The following WHRN variants were observed in gnomAD, a reference collection of about 807,000 sequenced individuals.
WHRN encodes whirlin, also known as CASK-interacting protein CIP98.
A neutral mutation model predicts 68.3 loss-of-function variants in WHRN; 41 were observed. That is an observed-to-expected ratio of 0.60 (90% confidence interval 0.47 to 0.78). The LOEUF (loss-of-function observed/expected upper bound fraction) is 0.78, where lower values mean the gene tolerates loss of function less well. Among genes scored for constraint, WHRN ranks in the 30% least tolerant of loss-of-function variants. The pLI is 0.00. For synonymous variants in WHRN, 560 were observed against 561.3 expected, an observed-to-expected ratio of 1.00 and a Z score of 0.03; for missense variants, 1,243 against 1,244.7, an observed-to-expected ratio of 1.00 and a Z score of 0.02.
intron 2 of WHRN, among the ~76,000 whole-genome samples, chr9:114,470,331 T>C (rs1198161771): frequency 2.0e-5 from 3 of 152,032 alleles, no homozygotes; most frequent in Non-Finnish European, 4.4e-5. Flanking sequence ...AGCAACAGCA[T>C]GTGCTAAGCC....
intron 7 of WHRN, among the ~76,000 whole-genome samples, chr9:114,410,694 A>C (rs1160271974): frequency 6.6e-6 from 1 of 152,256 alleles, no homozygotes; most frequent in Non-Finnish European, 1.5e-5. Context: ...ATAGTCAGGC[A>C]GGGGCAACTG....
intron 2 of WHRN, among the ~76,000 whole-genome samples, chr9:114,476,518 C>T (rs1195741250): frequency 6.6e-6 from 1 of 152,124 alleles, no homozygotes; most frequent in Non-Finnish European, 1.5e-5. Context: ...CAGCCCGTAC[C>T]TCCCTGGCAC....
chr9:114,471,437 C>T (rs753108077), intron 2 of WHRN, among the ~76,000 whole-genome samples: 41 of 152,272 alleles, frequency 2.7e-4, no homozygotes, highest in Non-Finnish European at 2.5e-4. Flanking sequence ...GCCTGCAGTG[C>T]CTGGGCATTT....
chr9:114,463,358 C>T lies in WHRN; in HGVS notation c.963+2909G>A, dbSNP rs189398526. 8.3e-4 allele frequency among the ~76,000 whole-genome samples: 126 copies of T among 152,206 alleles called. 1 individual carries two copies. The highest frequency in any genetic ancestry group is 3.2e-3 in the Middle Eastern group (1 of 316). The stretch of plus-strand genomic sequence containing the variant: ...TTCCTCTGCCCCCATTTTCCTTCTC[C>T]CCAGTCTCCTCCACCTATTCAAAAT... On this transcript the variant is annotated intron_variant, in intron 3 of 11. Transcript: ENST00000362057.
At chr9:114,503,504 G>C (rs1844116805) in intron 1 of WHRN, 1 of 152,454 alleles carries the variant, frequency 6.6e-6, no homozygotes, top group Non-Finnish European at 1.5e-5. Flanking sequence ...CTGTTGTCAT[G>C]AGGTTATATT....
intron 3 of WHRN, among the ~76,000 whole-genome samples, chr9:114,462,417 T>C (rs1388289889): frequency 6.6e-6 from 1 of 152,136 alleles, no homozygotes; most frequent in East Asian, 1.9e-4. Context: ...CTAGCCCAAG[T>C]GTCCAAGCAG....
chr9:114,464,848 TGA>T, intron 3 of WHRN, among the ~76,000 whole-genome samples: 1 of 129,216 alleles, frequency 7.7e-6, no homozygotes, highest in Non-Finnish European at 1.5e-5. Flanking sequence ...ATGATGATGA[TGA>T]TGATGATGAT....
intron 1 of WHRN, among the ~76,000 whole-genome samples, chr9:114,496,494 C>A (rs776511840): frequency 3.3e-5 from 5 of 152,156 alleles, no homozygotes; most frequent in Non-Finnish European, 7.3e-5. Context: ...GCCCTGAGTC[C>A]AGTATTTTCT....
chr9:114,437,507 T>C (rs1377380795), intron 3 of WHRN, among the ~76,000 whole-genome samples: 1 of 152,186 alleles, frequency 6.6e-6, no homozygotes, highest in Non-Finnish European at 1.5e-5. Flanking sequence ...CCCAAATTCC[T>C]ACCCTAACCC....
At chr9:114,479,603 A>C (rs1841941443) in intron 1 of WHRN, among the ~76,000 whole-genome samples, 1 of 152,236 alleles carries the variant, frequency 6.6e-6, no homozygotes, top group South Asian at 2.1e-4. Flanking sequence ...CTTAACATTT[A>C]TAAAGGGCTT....
intron 1 of WHRN, among the ~76,000 whole-genome samples, chr9:114,500,577 TG>T (rs1390312248): frequency 6.6e-6 from 1 of 152,154 alleles, no homozygotes; most frequent in Non-Finnish European, 1.5e-5. Context: ...AATCCACCCA[TG>T]GGGGTGCTGA....
chr9:114,489,504 G>GCA (rs35387189), intron 1 of WHRN, among the ~76,000 whole-genome samples: 140,645 of 150,366 alleles, frequency 0.94, 66,146 homozygotes, highest in East Asian at 1. Context: ...ACACACACAC[G>GCA]CACACACGCG....
chr9:114,407,924 C>A (rs1220907419), intron 8 of WHRN, 23 bp downstream of exon 8: 2 of 1,586,932 alleles, frequency 1.3e-6, no homozygotes, highest in Non-Finnish European at 1.7e-6. Context: ...AGAGCAGAAC[C>A]AAAGGGCCAG....
intron 3 of WHRN, among the ~76,000 whole-genome samples, chr9:114,429,338 T>C (rs1381786917): frequency 6.6e-6 from 1 of 152,210 alleles, no homozygotes; most frequent in African/African-American, 2.4e-5. Context: ...CTATGGCTAA[T>C]GGTTTCAAAG....
chr9:114,460,751 C>G (rs1840178681), intron 3 of WHRN, among the ~76,000 whole-genome samples: 1 of 152,210 alleles, frequency 6.6e-6, no homozygotes, highest in South Asian at 2.1e-4. Flanking sequence ...CCTTCAGGAG[C>G]TAAGTGGGCT....
intron 9 of WHRN, among the ~76,000 whole-genome samples, chr9:114,404,743 G>A (rs1219904726): frequency 6.6e-6 from 1 of 152,216 alleles, no homozygotes; most frequent in Non-Finnish European, 1.5e-5. Context: ...AGCCTCCTAT[G>A]TTCTCCTTCT....
chr9:114,414,790 G>A (rs1241170946), intron 7 of WHRN, among the ~76,000 whole-genome samples: 1 of 152,212 alleles, frequency 6.6e-6, no homozygotes, highest in East Asian at 1.9e-4. Flanking sequence ...GGAAGGTGCA[G>A]GGGGCACATG....
rs868145936 is a variant in WHRN at position 114,504,756 on chromosome 9, C to T, written c.46G>A (p.Gly16Ser). 2 of 1,505,390 alleles carry T rather than the reference C, an allele frequency of 1.3e-6. No individual in the cohort carries two copies. Among genetic ancestry groups the T allele is most frequent in the African/African-American group, 2.9e-5 (2 of 69,650 alleles). The allele number at this position is 1,505,390 out of a possible 1,614,324, so 93.3% of individuals were successfully genotyped here. A position where few individuals can be genotyped will look rare whatever the true frequency, so the allele number is the denominator to read the frequency against. The change falls in exon 1 of 12, where the codon GGC becomes AGC. Residue 16 changes from glycine (G) to serine (S), a missense_variant. Transcript: ENST00000362057. ...GCCCCGGCCGCCGAGCCCAGCGAGC[C>T]GGTGGAGGACGAGCTCACCGACAGG... The part of the protein sequence containing the change: ...DGLSVSSSST[G>S]SLGSAAGAGG...
chr9:114,405,951 C>A (rs1006421815), intron 9 of WHRN, among the ~76,000 whole-genome samples: 1 of 152,212 alleles, frequency 6.6e-6, no homozygotes, highest in Admixed American at 6.5e-5. Flanking sequence ...CCAGAGACTG[C>A]CACTTCAGTT....
Sources: allele counts gnomAD v4.1 joint callset (sites outside exome capture counted in the v4.1 genomes callset), GRCh38; gene constraint gnomAD v4.1.1; transcripts MANE v1.5; gene names NCBI Gene and HGNC (gene_info 2026-07-23, HGNC 2026-07-21).